Variants in DIAPH3 observed in about 807,000 individuals in gnomAD.
DIAPH3 encodes diaphanous related formin 3, also known as protein diaphanous homolog 3.
In DIAPH3, 117 loss-of-function variants were observed where a neutral mutation model predicts 144.3. The observed-to-expected ratio is 0.81, with a 90% CI of 0.70 to 0.95. The LOEUF (loss-of-function observed/expected upper bound fraction) is 0.95. Among genes scored for constraint, DIAPH3 ranks in the 40% least tolerant of loss-of-function variants. The pLI is 0.00. For missense variants in DIAPH3, 1,421 were observed against 1,412.7 expected (o/e 1.01, Z -0.09); for synonymous variants, 519 against 488.9 (o/e 1.06, Z -0.81).
At chr13:60,128,250 T>C (rs927275951) in intron 2 of DIAPH3, among the ~76,000 whole-genome samples, 1 of 152,204 alleles carries the variant, frequency 6.6e-6, no homozygotes. Context: ...TTGTTCTTTT[T>C]TATGGCTGCA....
chr13:60,149,841 TG>T (rs1372626581), intron 1 of DIAPH3, among the ~76,000 whole-genome samples: 1 of 151,960 alleles, frequency 6.6e-6, no homozygotes, highest in Non-Finnish European at 1.5e-5. Flanking sequence ...AGCCATCTTT[TG>T]TTTCTTTACT....
At position 59,910,176 on chromosome 13, in the gene DIAPH3, T is replaced by TAAA. The variant is rs35063217; in HGVS notation, c.2367+1556_2367+1558dup. 6.4e-3 allele frequency among the ~76,000 whole-genome samples: 929 copies of TAAA among 144,618 alleles called. 7 individuals carry two copies. The highest frequency in any genetic ancestry group is 0.012 in the Non-Finnish European group (755 of 64,940). 94.9% of individuals were successfully genotyped at this position (144,618 alleles called of 152,430 possible). ...TTTAATTCAAGTGTCAAAACATAGG[T>TAAA]AAAAAAAAAACACTCTAAATAGTCT... is the stretch of plus-strand genomic sequence containing the variant. On this transcript the variant is annotated intron_variant, in intron 20 of 27. Coordinates refer to ENST00000400324, the MANE Select transcript of DIAPH3 (RefSeq NM_001042517.2).
chr13:59,996,764 G>T (rs545363793), intron 9 of DIAPH3, among the ~76,000 whole-genome samples: 1 of 152,134 alleles, frequency 6.6e-6, no homozygotes, highest in South Asian at 2.1e-4. Flanking sequence ...GCCATCTTAA[G>T]AACAGGGCAA....
At position 59,709,071 on chromosome 13, in the gene DIAPH3, A is replaced by G. The variant is rs1370860583; in HGVS notation, c.3320-42225T>C. Among the ~76,000 whole-genome samples, 4 of 152,204 alleles carry G rather than the reference A, an allele frequency of 2.6e-5. No individual in the cohort carries two copies. In the East Asian group the frequency reaches 7.7e-4, roughly 29 times the overall value. ...TAAAATCTGTAAAAAATGCAGATCT[A>G]TGCCCATTTGGAACAAAATCATACC... On this transcript the variant is annotated intron_variant, in intron 27 of 27. Coordinates refer to ENST00000400324, the MANE Select transcript of DIAPH3 (RefSeq NM_001042517.2).
rs151231905 is a variant in DIAPH3 at position 60,039,843 on chromosome 13, G to T, written c.626+2847C>A. On this transcript the variant is annotated intron_variant, in intron 5 of 27. Coordinates refer to ENST00000400324, the MANE Select transcript of DIAPH3 (RefSeq NM_001042517.2). Reference sequence around the variant, plus strand: ...AAGAGCAGGCATATCATAACTAACAGGAAAGTCCAAAAATTTGATCACAGG... The same window carrying T: ...AAGAGCAGGCATATCATAACTAACATGAAAGTCCAAAAATTTGATCACAGG... Among the ~76,000 whole-genome samples the T allele has an allele frequency of 3.9e-3, 596 of 152,126 alleles. 5 individuals are homozygous for T. The highest frequency in any genetic ancestry group is 0.014 in the African/African-American group (579 of 41,494).
intron 5 of DIAPH3, among the ~76,000 whole-genome samples, chr13:60,016,905 T>C (rs1435252110): frequency 2.0e-5 from 3 of 152,132 alleles, no homozygotes; most frequent in South Asian, 2.1e-4. Flanking sequence ...CTGGATTACA[T>C]GAAAACTACC....
intron 24 of DIAPH3, among the ~76,000 whole-genome samples, chr13:59,820,343 G>A (rs1340227766): frequency 6.6e-6 from 1 of 151,820 alleles, no homozygotes; most frequent in African/African-American, 2.4e-5. Flanking sequence ...AAATATGGAA[G>A]GCAAGATGTA....
intron 24 of DIAPH3, among the ~76,000 whole-genome samples, chr13:59,827,032 C>G (rs2041472999): frequency 1.3e-5 from 2 of 152,074 alleles, no homozygotes; most frequent in South Asian, 4.1e-4. Flanking sequence ...AAAATTAATT[C>G]AAGATGGAAT....
chr13:59,833,270 C>A lies in DIAPH3; in HGVS notation c.2864G>T (p.Arg955Ile). The change falls in exon 24 of 28, where the codon AGA becomes ATA. Residue 955 changes from arginine to isoleucine, a missense_variant and splice_region_variant. Physicochemically the swap from Arg to Ile is moderately conservative, Grantham distance 97. Coordinates refer to ENST00000400324, the MANE Select transcript of DIAPH3 (RefSeq NM_001042517.2). ...LHDKFVTKMSRFVISAKEQYE... is the reference protein window; with the variant it reads ...LHDKFVTKMSIFVISAKEQYE... ...TTGTTCTTTTGCACTGATAACAAAT[C>A]TGTATACTATAGTTAAGGTATTCTG... 1 of 1,605,312 alleles carries A rather than the reference C, an allele frequency of 6.2e-7. No homozygotes were observed. Among genetic ancestry groups the A allele is most frequent in the Non-Finnish European group, 8.5e-7 (1 of 1,174,372 alleles).
chr13:60,087,112 A>G (rs1203925824), intron 4 of DIAPH3, among the ~76,000 whole-genome samples: 1 of 152,216 alleles, frequency 6.6e-6, no homozygotes, highest in Non-Finnish European at 1.5e-5. Flanking sequence ...TTTAGGGAAT[A>G]ACAAGAAAAG....
At chr13:60,112,630 G>A (rs1272941682) in intron 2 of DIAPH3, among the ~76,000 whole-genome samples, 1 of 152,064 alleles carries the variant, frequency 6.6e-6, no homozygotes, top group Non-Finnish European at 1.5e-5. Context: ...GGGGTGGGAG[G>A]GGAACATGAT....
intron 27 of DIAPH3, among the ~76,000 whole-genome samples, chr13:59,769,513 G>A (rs902979702): frequency 1.3e-5 from 2 of 151,522 alleles, no homozygotes; most frequent in African/African-American, 4.8e-5. Context: ...TCTCTGTGGG[G>A]GTGTCTTAAC....
intron 27 of DIAPH3, among the ~76,000 whole-genome samples, chr13:59,668,513 G>A (rs1210217804): frequency 3.3e-5 from 5 of 152,162 alleles, no homozygotes; most frequent in Non-Finnish European, 1.5e-5. Context: ...TATGAAATGT[G>A]TGTGTGCGTG....
chr13:60,132,110 A>G (rs1448916613), intron 2 of DIAPH3, among the ~76,000 whole-genome samples: 1 of 152,236 alleles, frequency 6.6e-6, no homozygotes, highest in Non-Finnish European at 1.5e-5. Flanking sequence ...GGAATAAAAC[A>G]TACCAACATT....
intron 19 of DIAPH3, among the ~76,000 whole-genome samples, chr13:59,912,638 T>C (rs532692638): frequency 6.6e-6 from 1 of 152,320 alleles, no homozygotes; most frequent in South Asian, 2.1e-4. Flanking sequence ...ATAATAGCGT[T>C]ACAAGAAGTT....
At chr13:59,960,870 A>G (rs776844834) in intron 17 of DIAPH3, among the ~76,000 whole-genome samples, 11 of 150,456 alleles carry the variant, frequency 7.3e-5, no homozygotes, top group Non-Finnish European at 1.2e-4. Flanking sequence ...AAAGTCATGG[A>G]AAAAAAAAAT....
chr13:59,871,308 T>C (rs1001965580), intron 21 of DIAPH3, among the ~76,000 whole-genome samples: 2 of 152,038 alleles, frequency 1.3e-5, no homozygotes, highest in Non-Finnish European at 2.9e-5. Context: ...CTTACTGTAC[T>C]AGCCAGGACT....
chr13:59,908,395 G>C (rs952959916), intron 20 of DIAPH3, among the ~76,000 whole-genome samples: 2 of 115,420 alleles, frequency 1.7e-5, no homozygotes, highest in African/African-American at 6.5e-5. Flanking sequence ...AAAAAAAAAA[G>C]TAAGACATTT....
At chr13:59,740,778 A>G (rs1249315257) in intron 27 of DIAPH3, among the ~76,000 whole-genome samples, 1 of 152,166 alleles carries the variant, frequency 6.6e-6, no homozygotes, top group Non-Finnish European at 1.5e-5. Flanking sequence ...GAAAAAATAT[A>G]TTTACTTCCC....
Sources: gnomAD v4.1 joint callset for allele counts (sites outside exome capture counted in the v4.1 genomes callset) on GRCh38, gnomAD v4.1.1 for gene constraint, MANE v1.5 for transcripts, NCBI Gene and HGNC (gene_info 2026-07-23, HGNC 2026-07-21) for gene names.